Variants in PIEZO2 observed in about 807,000 individuals in gnomAD.
PIEZO2 encodes piezo type mechanosensitive ion channel component 2.
Under a neutral mutation model 337.3 loss-of-function variants are expected in PIEZO2, and 172 were observed. That is an observed-to-expected ratio of 0.51 (90% confidence interval 0.45 to 0.58). The LOEUF is 0.58. Among genes scored for constraint, PIEZO2 ranks in the 20% least tolerant of loss-of-function variants. The pLI is 0.00. For missense variants in PIEZO2, 3,028 were observed against 3,391.3 expected, an observed-to-expected ratio of 0.89 and a Z score of 2.66; for synonymous variants, 1,251 against 1,228.5, an observed-to-expected ratio of 1.02 and a Z score of -0.38.
chr18:11,135,408 T>C (rs2040453549), intron 1 of PIEZO2, among the ~76,000 whole-genome samples: 1 of 152,206 alleles, frequency 6.6e-6, no homozygotes, highest in Non-Finnish European at 1.5e-5. Flanking sequence ...AATCAGAGTA[T>C]GATTTTAAAA....
intron 3 of PIEZO2, among the ~76,000 whole-genome samples, chr18:10,919,489 T>C (rs73943065): frequency 0.029 from 4,448 of 152,182 alleles, 237 homozygotes; most frequent in African/African-American, 0.1. Context: ...ATTGAATGAG[T>C]TCAACACATG....
At chr18:10,983,117 TA>T (rs1289847043) in intron 2 of PIEZO2, among the ~76,000 whole-genome samples, 1 of 152,194 alleles carries the variant, frequency 6.6e-6, no homozygotes, top group Admixed American at 6.5e-5. Flanking sequence ...CATACCAGTT[TA>T]TTTATATTAA....
Position 10,828,238 on chromosome 18 carries a change from A to C in PIEZO2, c.918-20964T>G, listed in dbSNP as rs535178369. ...GTTTGAGACAGGATGTTGAAGTACT[A>C]TTTGATAGAAAATTTTCCCTATCTT... On this transcript the variant is annotated intron_variant, in intron 7 of 55. Transcript: ENST00000674853. The surrounding 1 kb of genome is among the most constrained non-coding windows in gnomAD (Gnocchi z 4.1). 1.3e-5 allele frequency among the ~76,000 whole-genome samples: 2 copies of C among 151,766 alleles called. No individual in the cohort carries two copies. The highest frequency in any genetic ancestry group is 4.2e-4 in the South Asian group (2 of 4,818).
rs903338456 is a variant in PIEZO2, at chr18:10,952,063, C to T, written c.286+27472G>A. On this transcript the variant is annotated intron_variant, in intron 3 of 55. Coordinates refer to ENST00000674853, the MANE Select transcript of PIEZO2 (RefSeq NM_001378183.1). This position sits in a 1 kb window ranked among gnomAD's most constrained non-coding sequence, Gnocchi z 4.1. ...CACAATAGCTCTTGGGGAAAGTCAT[C>T]ATGATCTTGAGAACCTGTGGCTGCT... Among the ~76,000 whole-genome samples, 1 of 152,148 alleles carries T rather than the reference C, an allele frequency of 6.6e-6. No homozygotes were observed. Among genetic ancestry groups the T allele is most frequent in the Non-Finnish European group, 1.5e-5 (1 of 68,034 alleles).
chr18:10,803,235 G>A (rs2039886750), intron 9 of PIEZO2, among the ~76,000 whole-genome samples: 2 of 152,146 alleles, frequency 1.3e-5, no homozygotes, highest in Non-Finnish European at 2.9e-5. Context: ...TACAGGTATC[G>A]AACTCTACCA....
intron 1 of PIEZO2, among the ~76,000 whole-genome samples, chr18:11,107,045 G>C (rs1365092701): frequency 6.6e-6 from 1 of 152,178 alleles, no homozygotes; most frequent in East Asian, 1.9e-4. Flanking sequence ...GACCCCCCCA[G>C]TGCACTTCTT....
chr18:10,941,547 G>A (rs1340159609), intron 3 of PIEZO2, among the ~76,000 whole-genome samples: 1 of 152,164 alleles, frequency 6.6e-6, no homozygotes, highest in East Asian at 1.9e-4. Context: ...CAATTGCCTA[G>A]TAGAAGCAAA....
chr18:10,900,616 G>A (rs11663246), intron 4 of PIEZO2, among the ~76,000 whole-genome samples: 50,398 of 151,988 alleles, frequency 0.33, 8,422 homozygotes, highest in African/African-American at 0.35. Context: ...GTCTTGGCAC[G>A]TCAGTTTTCC....
rs1170948485 is a variant in PIEZO2 at position 11,104,910 on chromosome 18, C to T, written c.65-38688G>A. On this transcript the variant is annotated intron_variant, in intron 1 of 55. Coordinates refer to ENST00000674853, the MANE Select transcript of PIEZO2 (RefSeq NM_001378183.1). This position sits in a 1 kb window ranked among gnomAD's most constrained non-coding sequence, Gnocchi z 4.6. ...GGGTCTGGCTAATGAGGCCCCCTCC[C>T]CAGGTACAATGTTTGGTGCTGGGAT... 2.0e-5 allele frequency among the ~76,000 whole-genome samples: 3 copies of T among 152,022 alleles called. No individual in the cohort carries two copies. Among genetic ancestry groups the T allele is most frequent in the Non-Finnish European group, 4.4e-5 (3 of 68,018 alleles).
Position 11,112,404 on chromosome 18 carries a change from A to G in PIEZO2, c.64+36121T>C, listed in dbSNP as rs79575886. ...AACAACCCTTCAACGCTTTAATTAAAGAGGCCTACAACATCAGAATCTAAG... is the reference window on the plus strand; with the variant it reads ...AACAACCCTTCAACGCTTTAATTAAGGAGGCCTACAACATCAGAATCTAAG... On this transcript the variant is annotated intron_variant, in intron 1 of 55. Transcript: ENST00000674853. This position sits in a 1 kb window ranked among gnomAD's most constrained non-coding sequence, Gnocchi z 4.3. 1.6e-4 allele frequency among the ~76,000 whole-genome samples: 24 copies of G among 152,342 alleles called. No individual in the cohort carries two copies. The highest frequency in any genetic ancestry group is 2.6e-4 in the Non-Finnish European group (18 of 68,034).
chr18:10,736,693 A>G lies in PIEZO2; in HGVS notation c.4726T>C (p.Tyr1576His). The G allele has an allele frequency of 2.0e-6, 3 of 1,537,072 alleles. No individual in the cohort carries two copies. The highest frequency in any genetic ancestry group is 2.6e-6 in the Non-Finnish European group (3 of 1,146,774). Residue 1576 changes from tyrosine to histidine, a missense_variant, in exon 34 of 56, where the codon TAT becomes CAT. This residue lies in a region of PIEZO2 where 1,925 missense variants were observed against 2,051.9 expected (regional missense o/e 0.94). Transcript: ENST00000674853. ...DHASMVRSGD[Y>H]YLFETDSEEE... ...TCACTATCCGTTTCAAACAAATAATAATCTCCACTCCTGACCACTAAGCAA... is the reference window on the plus strand; with the variant it reads ...TCACTATCCGTTTCAAACAAATAATGATCTCCACTCCTGACCACTAAGCAA...
At chr18:11,107,025 G>A (rs182818577) in intron 1 of PIEZO2, among the ~76,000 whole-genome samples, 82 of 152,270 alleles carry the variant, frequency 5.4e-4, no homozygotes, top group Non-Finnish European at 1.6e-4. Context: ...GACAAAAAAC[G>A]TCATTGGTTG....
chr18:11,030,083 A>G (rs2036676825), intron 2 of PIEZO2, among the ~76,000 whole-genome samples: 1 of 152,172 alleles, frequency 6.6e-6, no homozygotes, highest in Non-Finnish European at 1.5e-5. Context: ...AATGCTTCTC[A>G]TACTATGATC....
intron 2 of PIEZO2, among the ~76,000 whole-genome samples, chr18:11,022,197 G>T (rs1262756843): frequency 1.3e-5 from 2 of 152,190 alleles, no homozygotes; most frequent in Non-Finnish European, 2.9e-5. Context: ...TGCACATCCA[G>T]GTGCAGTGTC....
chr18:11,017,183 C>A (rs1482259827), intron 2 of PIEZO2, among the ~76,000 whole-genome samples: 4 of 152,174 alleles, frequency 2.6e-5, no homozygotes, highest in Non-Finnish European at 4.4e-5. Context: ...CCTCTACGGT[C>A]AAAAATGTCT....
chr18:10,916,365 C>A (rs949108835), intron 3 of PIEZO2, among the ~76,000 whole-genome samples: 1 of 152,170 alleles, frequency 6.6e-6, no homozygotes, highest in Non-Finnish European at 1.5e-5. Flanking sequence ...AGGCTCGGGC[C>A]TGTGCTGCAG....
In PIEZO2 at chr18:11,101,660, A is replaced by G. The variant is rs745910872; in HGVS notation, c.65-35438T>C. ...AACCTGTCAATTTGAAAAACCGATG[A>G]CTATGTTCAGTGTTTATATCCTCAC... On this transcript the variant is annotated intron_variant, in intron 1 of 55. Coordinates refer to ENST00000674853, the MANE Select transcript of PIEZO2 (RefSeq NM_001378183.1). The surrounding 1 kb of genome is among the most constrained non-coding windows in gnomAD (Gnocchi z 4.4). 2.9e-4 allele frequency among the ~76,000 whole-genome samples: 44 copies of G among 152,212 alleles called. 1 individual carries two copies. The highest frequency in any genetic ancestry group is 7.2e-4 in the Admixed American group (11 of 15,280).
At chr18:10,941,705 G>A (rs938826920) in intron 3 of PIEZO2, among the ~76,000 whole-genome samples, 2 of 152,198 alleles carry the variant, frequency 1.3e-5, no homozygotes. Context: ...AGTAACAACT[G>A]AGAGTTATTG....
chr18:11,091,576 C>T (rs2039092922), intron 1 of PIEZO2, among the ~76,000 whole-genome samples: 1 of 152,024 alleles, frequency 6.6e-6, no homozygotes, highest in South Asian at 2.1e-4. Context: ...AACAAAACGT[C>T]ATTTGGTGTG....
Sources: allele counts gnomAD v4.1 joint callset (sites outside exome capture counted in the v4.1 genomes callset), GRCh38; gene constraint gnomAD v4.1.1; regional missense constraint gnomAD v4.1.1; non-coding constraint Gnocchi (gnomAD v3.1); transcripts MANE v1.5; gene names NCBI Gene and HGNC (gene_info 2026-07-23, HGNC 2026-07-21).